The following ETV6 variants were observed in gnomAD, a reference collection of about 807,000 sequenced individuals.
The protein encoded by ETV6 is transcription factor ETV6.
ETV6 carries 16 observed loss-of-function variants against 51.1 expected under a neutral mutation model. The ratio of observed to expected loss-of-function variants is 0.31; its 90% CI spans 0.21 to 0.48. The LOEUF is 0.48. Ranked by LOEUF, ETV6 falls within the 20% of genes least tolerant of loss-of-function variation. The pLI is 0.99. For synonymous variants in ETV6, 240 were observed against 224.1 expected (o/e 1.07, Z -0.64); for missense variants, 458 against 594.8 (o/e 0.77, Z 2.39).
At chr12:11,736,576 A>G (rs1865706101) in intron 1 of ETV6, among the ~76,000 whole-genome samples, 1 of 152,246 alleles carries the variant, frequency 6.6e-6, no homozygotes, top group Non-Finnish European at 1.5e-5. Context: ...TTTTGGAATA[A>G]GTATAAATAC....
At chr12:11,725,048 C>G (rs530703213) in intron 1 of ETV6, among the ~76,000 whole-genome samples, 7 of 152,256 alleles carry the variant, frequency 4.6e-5, no homozygotes, top group Non-Finnish European at 1.5e-5. Context: ...ACCCCACTTC[C>G]CTGCCCACTT....
intron 1 of ETV6, among the ~76,000 whole-genome samples, chr12:11,710,484 G>T (rs990001854): frequency 2.0e-5 from 3 of 152,126 alleles, no homozygotes; most frequent in Non-Finnish European, 4.4e-5. Flanking sequence ...CTATCATCTT[G>T]TTCATTTTGC....
At chr12:11,741,340 A>G (rs1160491513) in intron 1 of ETV6, among the ~76,000 whole-genome samples, 2 of 152,200 alleles carry the variant, frequency 1.3e-5, no homozygotes, top group East Asian at 3.8e-4. Flanking sequence ...ATTCTCCAGC[A>G]TGAGAAAGTG....
intron 1 of ETV6, among the ~76,000 whole-genome samples, chr12:11,727,756 G>A (rs1865517423): frequency 6.6e-6 from 1 of 152,214 alleles, no homozygotes; most frequent in African/African-American, 2.4e-5. Flanking sequence ...AGCCCCTCTG[G>A]TGGCTCCATG....
intron 1 of ETV6, among the ~76,000 whole-genome samples, chr12:11,694,833 A>T (rs968124682): frequency 5.9e-5 from 9 of 152,010 alleles, no homozygotes; most frequent in Non-Finnish European, 1.2e-4. Flanking sequence ...TGGAGATGCT[A>T]TTTTTCCTCT....
intron 1 of ETV6, among the ~76,000 whole-genome samples, chr12:11,692,989 G>A (rs1487115658): frequency 6.6e-6 from 1 of 152,192 alleles, no homozygotes; most frequent in African/African-American, 2.4e-5. Context: ...GCAGTGAGCT[G>A]TGATTGCACC....
chr12:11,875,794 A>T (rs58461426), intron 5 of ETV6, among the ~76,000 whole-genome samples: 105 of 152,244 alleles, frequency 6.9e-4, no homozygotes, highest in African/African-American at 2.5e-3. Context: ...AAATCCAGCC[A>T]CCATGCGTTT....
intron 5 of ETV6, among the ~76,000 whole-genome samples, chr12:11,883,559 T>G (rs965610111): frequency 6.6e-6 from 1 of 152,010 alleles, no homozygotes; most frequent in Non-Finnish European, 1.5e-5. Context: ...CTTCCCAAAG[T>G]GCTGGGATTA....
At chr12:11,701,244 C>A (rs553120769) in intron 1 of ETV6, among the ~76,000 whole-genome samples, 1 of 152,212 alleles carries the variant, frequency 6.6e-6, no homozygotes, top group African/African-American at 2.4e-5. Flanking sequence ...ACTTTTACAT[C>A]GTCCCCAGCT....
At chr12:11,688,924 TAAGTGGTGGTAGCTCAAAG>T (rs1230725777) in intron 1 of ETV6, among the ~76,000 whole-genome samples, 1 of 152,116 alleles carries the variant, frequency 6.6e-6, no homozygotes, top group Non-Finnish European at 1.5e-5. Context: ...AAATAAAGTG[TAAGTGGTGGTAGCTCAAAG>T]AAGCAAAGCA....
intron 1 of ETV6, among the ~76,000 whole-genome samples, chr12:11,738,269 T>C (rs184873016): frequency 1.1e-3 from 169 of 147,288 alleles, no homozygotes; most frequent in African/African-American, 3.5e-3. Context: ...TCCTCTCTCT[T>C]TCTCTTTCTC....
intron 2 of ETV6, among the ~76,000 whole-genome samples, chr12:11,837,874 C>T (rs535325029): frequency 1.3e-5 from 2 of 152,210 alleles, no homozygotes; most frequent in Admixed American, 6.5e-5. Flanking sequence ...TTAATGGAGA[C>T]CCCAAAGAGC....
chr12:11,863,290 A>G (rs1371021996), intron 4 of ETV6, among the ~76,000 whole-genome samples: 1 of 152,348 alleles, frequency 6.6e-6, no homozygotes, highest in African/African-American at 2.4e-5. Flanking sequence ...AGGATAAGAA[A>G]TCAGACCTTT....
In ETV6 at chr12:11,649,913, G is replaced by A. The variant is rs1400087527; in HGVS notation, c.-215G>A. The A allele has an allele frequency of 4.5e-5, 9 of 199,808 alleles. No individual in the cohort carries two copies. Among genetic ancestry groups the A allele is most frequent in the Non-Finnish European group, 8.9e-5 (9 of 100,740 alleles). 12.4% of individuals were successfully genotyped at this position (199,808 alleles called of 1,614,324 possible). A position where few individuals can be genotyped will look rare whatever the true frequency, so the allele number is the denominator to read the frequency against. On this transcript the variant is annotated 5_prime_UTR_variant, in exon 1 of 8. Transcript: ENST00000396373. ...AGACCCCGCCGCCGCGCTCGGGCCC[G>A]TCTCCCACGCCCCCGCCGCCCCGCG...
At chr12:11,734,451 A>T (rs1242649071) in intron 1 of ETV6, among the ~76,000 whole-genome samples, 4 of 151,522 alleles carry the variant, frequency 2.6e-5, no homozygotes, top group Non-Finnish European at 5.9e-5. Context: ...TACAAAAAAT[A>T]TAAAAATTAG....
chr12:11,675,018 G>T (rs1018124677), intron 1 of ETV6, among the ~76,000 whole-genome samples: 1 of 152,212 alleles, frequency 6.6e-6, no homozygotes, highest in African/African-American at 2.4e-5. Context: ...CAGGCCCTCC[G>T]TCAGCTCCCT....
chr12:11,869,336 C>G lies in ETV6; in HGVS notation c.464-88C>G, dbSNP rs1190112884. On this transcript the variant is annotated intron_variant, in intron 4 of 7. Coordinates refer to ENST00000396373, the MANE Select transcript of ETV6 (RefSeq NM_001987.5). This position sits in a 1 kb window ranked among gnomAD's most constrained non-coding sequence, Gnocchi z 5.0. ...GGTCCTTTACACATACCTACACGCT[C>G]CTCCATTTACCGCCTGTAGAGCCGC... 2 of 1,180,216 alleles carry G rather than the reference C, an allele frequency of 1.7e-6. No homozygotes were observed. The highest frequency in any genetic ancestry group is 4.7e-5 in the East Asian group (2 of 42,684). The allele number at this position is 1,180,216 out of a possible 1,614,324, so 73.1% of individuals were successfully genotyped here.
intron 1 of ETV6, among the ~76,000 whole-genome samples, chr12:11,654,541 A>T (rs1863963580): frequency 2.0e-5 from 3 of 152,122 alleles, no homozygotes. Flanking sequence ...GTCCATTTTA[A>T]TCACAAGCCA....
rs781336037 is a variant in ETV6, at chr12:11,853,514, C to G, written c.416C>G (p.Ser139Cys). The G allele has an allele frequency of 4.5e-5, 73 of 1,614,120 alleles. No individual in the cohort carries two copies. The highest frequency in any genetic ancestry group is 6.2e-5 in the Non-Finnish European group (73 of 1,180,056). ...LFSPFFHPGNSIHTQPEVILH... is the reference protein window; with the variant it reads ...LFSPFFHPGNCIHTQPEVILH... ...TCACCATTCTTCCACCCTGGAAACT[C>G]TATACACACACAGCCGGAGGTCATA... Residue 139 changes from serine (S) to cysteine (C), a missense_variant, in exon 4 of 8, where the codon TCT becomes TGT. Physicochemically the swap from Ser to Cys is moderately radical, Grantham distance 112. Coordinates refer to ENST00000396373, the MANE Select transcript of ETV6 (RefSeq NM_001987.5).
Sources: gnomAD v4.1 joint callset for allele counts (sites outside exome capture counted in the v4.1 genomes callset) on GRCh38, gnomAD v4.1.1 for gene constraint, Gnocchi (gnomAD v3.1) non-coding constraint, MANE v1.5 for transcripts, NCBI Gene and HGNC (gene_info 2026-07-23, HGNC 2026-07-21) for gene names.